The following GRID2 variants were observed in gnomAD, a reference collection of about 807,000 sequenced individuals.
The protein encoded by GRID2 is glutamate ionotropic receptor delta type subunit 2, also known as glutamate receptor ionotropic, delta-2.
In GRID2, 33 loss-of-function variants were observed where a neutral mutation model predicts 114.8. That is an observed-to-expected ratio of 0.29 (90% CI 0.22 to 0.38). GRID2 has a LOEUF of 0.38. GRID2 is among the 10% of genes least tolerant of loss of function. The pLI, the probability that GRID2 is intolerant of heterozygous loss-of-function variation, is 1.00. For synonymous variants in GRID2, 505 were observed against 449.9 expected (o/e 1.12, Z -1.55); for missense variants, 1,184 against 1,257.7 (o/e 0.94, Z 0.89).
intron 1 of GRID2, among the ~76,000 whole-genome samples, chr4:93,782,355 A>G (rs982158972): frequency 5.9e-5 from 9 of 152,142 alleles, no homozygotes; most frequent in Admixed American, 1.3e-4. Context: ...AATACCTGCT[A>G]TGTTCAAGCC....
chr4:92,710,284 T>C (rs1017878291), intron 2 of GRID2, among the ~76,000 whole-genome samples: 2 of 151,348 alleles, frequency 1.3e-5, no homozygotes, highest in Non-Finnish European at 2.9e-5. Context: ...GAGAAGAAAA[T>C]AGTAAGTACT....
intron 14 of GRID2, among the ~76,000 whole-genome samples, chr4:93,724,795 T>C (rs1470510373): frequency 1.3e-5 from 2 of 151,970 alleles, no homozygotes; most frequent in Non-Finnish European, 2.9e-5. Flanking sequence ...TTGTTGTTGT[T>C]TTGAGACAAA....
chr4:93,586,610 A>C (rs1192604772), intron 13 of GRID2, among the ~76,000 whole-genome samples: 1 of 152,086 alleles, frequency 6.6e-6, no homozygotes, highest in Non-Finnish European at 1.5e-5. Context: ...TATTACCCTA[A>C]TTTTATAAAT....
At chr4:93,757,218 A>G (rs1278469890) in intron 14 of GRID2, among the ~76,000 whole-genome samples, 1 of 152,204 alleles carries the variant, frequency 6.6e-6, no homozygotes, top group Non-Finnish European at 1.5e-5. Flanking sequence ...AACATCCAAA[A>G]AAAAGAAAGA....
At chr4:93,440,086 T>A (rs1050803835) in intron 10 of GRID2, among the ~76,000 whole-genome samples, 11 of 151,920 alleles carry the variant, frequency 7.2e-5, no homozygotes, top group African/African-American at 2.7e-4. Flanking sequence ...CAGGAGAAGG[T>A]CCTGTTATGA....
intron 2 of GRID2, among the ~76,000 whole-genome samples, chr4:92,999,419 G>A (rs1332957304): frequency 6.6e-6 from 1 of 151,678 alleles, no homozygotes; most frequent in Non-Finnish European, 1.5e-5. Flanking sequence ...GTTAGTCCTT[G>A]GCAAACTGGG....
At chr4:92,966,556 T>C (rs1383920196) in intron 2 of GRID2, among the ~76,000 whole-genome samples, 1 of 151,844 alleles carries the variant, frequency 6.6e-6, no homozygotes, top group Non-Finnish European at 1.5e-5. Context: ...GTGGAAATAA[T>C]TGAACCATGG....
rs555425176 is a variant in GRID2, at chr4:92,559,597, G to C, written c.89-30534G>C. ...CACTTTATTGTCTTCCACAGTCAAA[G>C]CAAGGTATGAGTCAAAGATATCAAA... is the stretch of plus-strand genomic sequence containing the variant. On this transcript the variant is annotated intron_variant, in intron 1 of 15. Coordinates refer to ENST00000282020, the MANE Select transcript of GRID2 (RefSeq NM_001510.4). Among the ~76,000 whole-genome samples, 13 of 152,256 alleles carry C rather than the reference G, an allele frequency of 8.5e-5. 1 individual carries two copies. The South Asian group carries it at 2.7e-3, about 32-fold the overall frequency.
chr4:93,795,864 T>C (rs1214595581), intron 1 of GRID2, among the ~76,000 whole-genome samples: 1 of 152,208 alleles, frequency 6.6e-6, no homozygotes, highest in Non-Finnish European at 1.5e-5. Context: ...GTACTGCAGC[T>C]AGTTGGGGAA....
intron 13 of GRID2, among the ~76,000 whole-genome samples, chr4:93,601,002 G>A (rs2149639833): frequency 6.6e-6 from 1 of 152,322 alleles, no homozygotes; most frequent in East Asian, 1.9e-4. Flanking sequence ...CAGAGCAATA[G>A]TGCCCAGAGG....
chr4:93,727,729 T>C lies in GRID2; in HGVS notation c.2361-41481T>C, dbSNP rs186278745. Among the ~76,000 whole-genome samples, 708 of 152,226 alleles carry C rather than the reference T, an allele frequency of 4.7e-3. 6 individuals carry two copies. The highest frequency in any genetic ancestry group is 0.016 in the African/African-American group (659 of 41,542). On this transcript the variant is annotated intron_variant, in intron 14 of 15. Coordinates refer to ENST00000282020, the MANE Select transcript of GRID2 (RefSeq NM_001510.4). ...TTTAGTCTTGGGAGAGTGTATGTGT[T>C]GAGGAATTTATCCATTTCTTCTAGA...
At chr4:92,348,794 C>A (rs978742786) in intron 1 of GRID2, among the ~76,000 whole-genome samples, 1 of 152,012 alleles carries the variant, frequency 6.6e-6, no homozygotes, top group African/African-American at 2.4e-5. Context: ...AGATAACAAC[C>A]AAAAGTTGTC....
intron 8 of GRID2, among the ~76,000 whole-genome samples, chr4:93,273,423 C>T (rs1356793889): frequency 1.3e-5 from 2 of 151,460 alleles, no homozygotes; most frequent in Non-Finnish European, 2.9e-5. Flanking sequence ...CATTTTTCAA[C>T]TACATTGATT....
rs1746934081 is a variant in GRID2 at position 93,237,490 on chromosome 4, AT to A, written c.1126-880del. On this transcript the variant is annotated intron_variant, in intron 7 of 15. Coordinates refer to ENST00000282020, the MANE Select transcript of GRID2 (RefSeq NM_001510.4). The stretch of plus-strand genomic sequence containing the variant: ...AAGTGAGATATATTTAAATATCAAC[AT>A]CTTAGAGGTGATAATTAAAACAATT... Among the ~76,000 whole-genome samples, 36 of 152,058 alleles carry A rather than the reference AT, an allele frequency of 2.4e-4. No homozygotes were observed. In the South Asian group the frequency reaches 7.5e-3, roughly 31 times the overall value.
chr4:93,360,311 G>A (rs184675731), intron 8 of GRID2, among the ~76,000 whole-genome samples: 104 of 151,736 alleles, frequency 6.9e-4, no homozygotes, highest in African/African-American at 2.3e-3. Flanking sequence ...TCTATCTTGC[G>A]AAATAATGTA....
chr4:92,599,339 G>A (rs1170071064), intron 2 of GRID2, among the ~76,000 whole-genome samples: 1 of 152,108 alleles, frequency 6.6e-6, no homozygotes, highest in East Asian at 1.9e-4. Flanking sequence ...GCAACATAGT[G>A]TTGTAGGAGA....
At chr4:92,321,252 C>A (rs1233681131) in intron 1 of GRID2, among the ~76,000 whole-genome samples, 1 of 152,088 alleles carries the variant, frequency 6.6e-6, no homozygotes, top group Non-Finnish European at 1.5e-5. Flanking sequence ...TTTTTTCCAC[C>A]TCCCCTAGAA....
intron 2 of GRID2, among the ~76,000 whole-genome samples, chr4:92,758,520 T>C (rs1010039946): frequency 4.6e-5 from 7 of 152,114 alleles, no homozygotes; most frequent in Admixed American, 2.0e-4. Context: ...AATTCCTTAA[T>C]TGTATAAGCC....
chr4:92,445,105 G>A (rs1733381757), intron 1 of GRID2, among the ~76,000 whole-genome samples: 1 of 152,078 alleles, frequency 6.6e-6, no homozygotes, highest in Admixed American at 6.5e-5. Context: ...GGCTTATTAT[G>A]TGCTAGATAC....
Sources: allele counts gnomAD v4.1 joint callset (sites outside exome capture counted in the v4.1 genomes callset), GRCh38; gene constraint gnomAD v4.1.1; transcripts MANE v1.5; gene names NCBI Gene and HGNC (gene_info 2026-07-23, HGNC 2026-07-21).